Variants in SDK1 observed in about 807,000 individuals in gnomAD.
SDK1 encodes sidekick cell adhesion molecule 1, also known as protein sidekick-1.
A neutral mutation model predicts 245.5 loss-of-function variants in SDK1; 157 were observed. The ratio of observed to expected loss-of-function variants is 0.64; its 90% confidence interval spans 0.56 to 0.73. The LOEUF (loss-of-function observed/expected upper bound fraction) is 0.73. Ranked by LOEUF, SDK1 falls within the 30% of genes least tolerant of loss-of-function variation. The probability of loss-of-function intolerance (pLI) is 0.00; values close to 1 mark genes in which losing one functional copy is unlikely to be tolerated. For missense variants in SDK1, 3,583 were observed against 3,002.3 expected, an observed-to-expected ratio of 1.19 and a Z score of -4.52; for synonymous variants, 1,647 against 1,278.5, an observed-to-expected ratio of 1.29 and a Z score of -6.15.
chr7:3,961,374 A>T (rs879529284), intron 8 of SDK1, among the ~76,000 whole-genome samples: 1 of 152,236 alleles, frequency 6.6e-6, no homozygotes, highest in African/African-American at 2.4e-5. Context: ...ATCTTGAGTT[A>T]TTCCATGGCA....
intron 5 of SDK1, among the ~76,000 whole-genome samples, chr7:3,828,249 A>G (rs541649192): frequency 1.3e-5 from 2 of 151,916 alleles, no homozygotes; most frequent in African/African-American, 2.4e-5. Context: ...CTGCACTCCA[A>G]CCAAGGCGAC....
intron 22 of SDK1, among the ~76,000 whole-genome samples, chr7:4,084,428 C>G (rs1016513949): frequency 3.9e-5 from 6 of 152,152 alleles, no homozygotes; most frequent in African/African-American, 1.4e-4. Flanking sequence ...GCATGAGGCT[C>G]CACTCTTTGA....
intron 17 of SDK1, among the ~76,000 whole-genome samples, chr7:4,039,542 A>G (rs182057273): frequency 7.4e-4 from 112 of 152,356 alleles, no homozygotes; most frequent in Admixed American, 2.5e-3. Flanking sequence ...CAAAGCTTGC[A>G]TTAACCAAAA....
At chr7:4,177,541 A>G (rs73674217) in intron 34 of SDK1, among the ~76,000 whole-genome samples, 1,866 of 152,202 alleles carry the variant, frequency 0.012, 42 homozygotes, top group African/African-American at 0.042. Context: ...TCTATTTTCA[A>G]TGCCACAGTC....
intron 1 of SDK1, among the ~76,000 whole-genome samples, chr7:3,535,126 A>G (rs1358167054): frequency 1.1e-4 from 17 of 152,052 alleles, no homozygotes; most frequent in Admixed American, 1.1e-3. Context: ...AATACAAAAA[A>G]TTAGCTGGGC....
At chr7:3,759,927 T>C (rs1233094507) in intron 4 of SDK1, among the ~76,000 whole-genome samples, 5 of 152,190 alleles carry the variant, frequency 3.3e-5, no homozygotes, top group Admixed American at 1.3e-4. Flanking sequence ...CGCATTCTTT[T>C]GTTTTACAAT....
chr7:3,787,027 C>G (rs1780922495), intron 4 of SDK1, among the ~76,000 whole-genome samples: 1 of 152,042 alleles, frequency 6.6e-6, no homozygotes, highest in East Asian at 1.9e-4. Flanking sequence ...TCCCCATACA[C>G]TTTAGTGGTG....
intron 22 of SDK1, among the ~76,000 whole-genome samples, chr7:4,098,153 T>C (rs1782282917): frequency 6.6e-6 from 1 of 152,186 alleles, no homozygotes; most frequent in Admixed American, 6.5e-5. Context: ...AAAGGGGCCT[T>C]TTTGTTCATT....
chr7:4,157,552 A>C (rs1780843989), intron 30 of SDK1, among the ~76,000 whole-genome samples: 1 of 150,004 alleles, frequency 6.7e-6, no homozygotes, highest in Non-Finnish European at 1.5e-5. Flanking sequence ...GGGTGGGCAG[A>C]TGGAAGCGGG....
rs529856833 is a variant in SDK1, at chr7:3,707,088, T to C, written c.713+64983T>C. On this transcript the variant is annotated intron_variant, in intron 4 of 44. Transcript: ENST00000404826. ...TGGATCTTTGTTATTTATTTTCTTC[T>C]GCTAGCTTTGGGTTTAGTTTGTTCT... Among the ~76,000 whole-genome samples the C allele has an allele frequency of 5.1e-4, 77 of 152,328 alleles. 2 individuals carry two copies. In the South Asian group the frequency reaches 0.016, roughly 31 times the overall value.
intron 1 of SDK1, among the ~76,000 whole-genome samples, chr7:3,541,250 T>C (rs983189980): frequency 1.3e-5 from 2 of 152,268 alleles, no homozygotes; most frequent in African/African-American, 2.4e-5. Flanking sequence ...TAAATTAGTC[T>C]GAGTGCTTTG....
chr7:3,845,545 C>T (rs1237692555), intron 5 of SDK1, among the ~76,000 whole-genome samples: 3 of 148,998 alleles, frequency 2.0e-5, no homozygotes, highest in Non-Finnish European at 3.0e-5. Flanking sequence ...TGTGGAGTGG[C>T]CAGGCCTGAA....
At chr7:3,696,881 A>G (rs1488567358) in intron 4 of SDK1, among the ~76,000 whole-genome samples, 1 of 151,730 alleles carries the variant, frequency 6.6e-6, no homozygotes, top group Non-Finnish European at 1.5e-5. Context: ...TAGATAGGAG[A>G]CCTCTGATAT....
At chr7:3,530,089 A>G (rs897846047) in intron 1 of SDK1, among the ~76,000 whole-genome samples, 3 of 152,344 alleles carry the variant, frequency 2.0e-5, no homozygotes, top group East Asian at 3.9e-4. Flanking sequence ...CTCAAAAAGT[A>G]TAATCAAATT....
chr7:3,939,198 G>A (rs748702340), intron 5 of SDK1, among the ~76,000 whole-genome samples: 3 of 152,224 alleles, frequency 2.0e-5, no homozygotes, highest in Non-Finnish European at 2.9e-5. Context: ...TTTTGGGGTT[G>A]GGTTTGTGAG....
Position 3,969,309 on chromosome 7 carries a change from T to G in SDK1, c.1599T>G (p.Leu533=), listed in dbSNP as rs1583671076. ...GSVRIPRFML[L]ESGGLQIAPV... ...TCCGGATTCCTAGGTTCATGCTTCT[T>G]GAATCGGGGGGTCTACAGATCGCGC... The change falls in exon 11 of 45, where the codon CTT becomes CTG. Residue 533 remains leucine, a synonymous_variant. Transcript: ENST00000404826. 4 of 1,611,186 alleles carry G rather than the reference T, an allele frequency of 2.5e-6. No homozygotes were observed. Among genetic ancestry groups the G allele is most frequent in the Non-Finnish European group, 3.4e-6 (4 of 1,178,770 alleles).
intron 14 of SDK1, among the ~76,000 whole-genome samples, chr7:3,987,996 C>T (rs1784001706): frequency 6.6e-6 from 1 of 152,060 alleles, no homozygotes; most frequent in African/African-American, 2.4e-5. Context: ...GCATATTTTC[C>T]TTGATGACTC....
chr7:3,971,354 TGA>T (rs1222917109), intron 11 of SDK1, 110 bp from the exon 12 acceptor site: 4 of 721,752 alleles, frequency 5.5e-6, no homozygotes, highest in African/African-American at 5.2e-5. Flanking sequence ...TCTGCCAAGA[TGA>T]GAGAAAACTC....
intron 17 of SDK1, among the ~76,000 whole-genome samples, chr7:4,025,881 C>T (rs1452295696): frequency 6.6e-6 from 1 of 152,166 alleles, no homozygotes; most frequent in South Asian, 2.1e-4. Context: ...TGTCTTTCTG[C>T]CTTGTGATGT....
Sources: allele counts gnomAD v4.1 joint callset (sites outside exome capture counted in the v4.1 genomes callset), GRCh38; gene constraint gnomAD v4.1.1; transcripts MANE v1.5; gene names NCBI Gene and HGNC (gene_info 2026-07-23, HGNC 2026-07-21).